Variants in SVEP1 observed in about 807,000 individuals in gnomAD.
SVEP1 encodes sushi, von Willebrand factor type A, EGF and pentraxin domain containing 1, also known as sushi, von Willebrand factor type A, EGF and pentraxin domain-containing protein 1.
SVEP1 carries 164 observed loss-of-function variants against 367.3 expected under a neutral mutation model. The ratio of observed to expected loss-of-function variants is 0.45; its 90% CI spans 0.39 to 0.51. The LOEUF is 0.51. Among genes scored for constraint, SVEP1 ranks in the 20% least tolerant of loss-of-function variants. SVEP1 has a pLI of 0.00. For missense variants in SVEP1, 4,117 were observed against 4,425.3 expected (o/e 0.93, Z 1.98); for synonymous variants, 1,666 against 1,611.6 (o/e 1.03, Z -0.81).
Position 110,408,640 on chromosome 9 carries a change from A to C in SVEP1, c.6960T>G (p.Pro2320=), listed in dbSNP as rs200717973. The change falls in exon 38 of 48, where the codon CCT becomes CCG. Residue 2320 remains proline (P), a synonymous_variant. Transcript: ENST00000374469. ...WNKKSNPKCM[P]AKCPEPPLLE... is the part of the protein sequence containing the mutation. ...AGAGGGGCGGCTCTGGGCACTTGGC[A>C]GGCATGCACTTTGGATTTGACTTCT... 4.9e-3 allele frequency: 7,961 copies of C among 1,614,046 alleles called. 26 individuals carry two copies. Among genetic ancestry groups the C allele is most frequent in the Non-Finnish European group, 5.6e-3 (6,626 of 1,179,908 alleles).
intron 42 of SVEP1, among the ~76,000 whole-genome samples, chr9:110,386,374 T>G (rs1827522728): frequency 6.6e-6 from 1 of 152,230 alleles, no homozygotes; most frequent in Admixed American, 6.5e-5. Flanking sequence ...TATTTTAGAC[T>G]GAGTTTTTGA....
chr9:110,539,029 C>G (rs1164160613), intron 3 of SVEP1, among the ~76,000 whole-genome samples: 1 of 152,054 alleles, frequency 6.6e-6, no homozygotes, highest in South Asian at 2.1e-4. Flanking sequence ...GTGCTCAAGG[C>G]AAACATGAAA....
rs200487398 is a variant in SVEP1 at position 110,430,356 on chromosome 9, C to T, written c.5448G>A (p.Gln1816=). ...TTACTCCCATCAACTGGTATCCTTCCTGACACGAAAATGTGACTTCGGCAC... is the reference window on the plus strand; with the variant it reads ...TTACTCCCATCAACTGGTATCCTTCTTGACACGAAAATGTGACTTCGGCAC... ...TVGAEVTFSC[Q]EGYQLMGVTK... is the part of the protein sequence containing the mutation. Residue 1816 remains glutamine (Q), a synonymous_variant, in exon 33 of 48, where the codon CAG becomes CAA. Coordinates refer to ENST00000374469, the MANE Select transcript of SVEP1 (RefSeq NM_153366.4). 96 of 1,613,448 alleles carry T rather than the reference C, an allele frequency of 5.9e-5. No individual in the cohort carries two copies. The highest frequency in any genetic ancestry group is 1.7e-5 in the Admixed American group (1 of 59,890).
In SVEP1 at chr9:110,472,377, G is replaced by C. The variant is rs17806801; in HGVS notation, c.2600-54C>G. The C allele has an allele frequency of 1.7e-3, 2,601 of 1,494,048 alleles. 6 individuals are homozygous for C. The highest frequency in any genetic ancestry group is 5.3e-3 in the South Asian group (378 of 71,922). The allele number at this position is 1,494,048 out of a possible 1,614,324, so 92.5% of individuals were successfully genotyped here. Reference sequence around the variant, plus strand: ...ATCACACAGTTGCTTTTTCGTCAGCGTTCAGGTTCTAATGTTAAGCCACAA... The same window carrying C: ...ATCACACAGTTGCTTTTTCGTCAGCCTTCAGGTTCTAATGTTAAGCCACAA... On this transcript the variant is annotated intron_variant, in intron 14 of 47. Coordinates refer to ENST00000374469, the MANE Select transcript of SVEP1 (RefSeq NM_153366.4).
At position 110,451,118 on chromosome 9, in the gene SVEP1, C is replaced by T. The variant is rs768567313; in HGVS notation, c.3901+171G>A. ...AATTGCAGACCTGCATGCCCTTTTA[C>T]CCCAAACCCCTCAGTGTGTATTTCC... is the stretch of plus-strand genomic sequence containing the variant. On this transcript the variant is annotated intron_variant, in intron 23 of 47. Transcript: ENST00000374469. 3.3e-5 allele frequency among the ~76,000 whole-genome samples: 5 copies of T among 152,122 alleles called. No homozygotes were observed. In the East Asian group the frequency reaches 7.7e-4, roughly 23 times the overall value.
At chr9:110,390,921 C>A (rs1006389076) in intron 40 of SVEP1, among the ~76,000 whole-genome samples, 3 of 152,132 alleles carry the variant, frequency 2.0e-5, no homozygotes, top group Non-Finnish European at 4.4e-5. Context: ...TCAGGGCCAA[C>A]CTTGTTTCAT....
intron 1 of SVEP1, among the ~76,000 whole-genome samples, chr9:110,564,612 C>A (rs1043243576): frequency 1.3e-5 from 2 of 152,038 alleles, no homozygotes; most frequent in Non-Finnish European, 2.9e-5. Flanking sequence ...TAATTTGTAA[C>A]ATTTATTAGC....
chr9:110,467,164 C>G (rs573816166), intron 17 of SVEP1, among the ~76,000 whole-genome samples: 2 of 152,298 alleles, frequency 1.3e-5, no homozygotes, highest in African/African-American at 4.8e-5. Context: ...GCATGTCTTG[C>G]TGGTAGCCTT....
rs754856358 is a variant in SVEP1 at position 110,406,918 on chromosome 9, C to A, written c.8682G>T (p.Pro2894=). The stretch of plus-strand genomic sequence containing the variant: ...CCGTCACCCCATTGGCCAGTTGTGG[C>A]GGGGTGGCACATCTGACAGGCACAC... ...PDCVPVRCAT[P]PQLANGVTEG... is the part of the protein sequence containing the mutation. The change falls in exon 38 of 48, where the codon CCG becomes CCT. Residue 2894 remains proline (P), a synonymous_variant. Transcript: ENST00000374469. 1 of 1,613,652 alleles carries A rather than the reference C, an allele frequency of 6.2e-7. No homozygotes were observed. Among genetic ancestry groups the A allele is most frequent in the African/African-American group, 1.3e-5 (1 of 74,896 alleles).
chr9:110,486,997 C>T (rs1829289729), intron 9 of SVEP1, among the ~76,000 whole-genome samples: 2 of 151,740 alleles, frequency 1.3e-5, no homozygotes, highest in East Asian at 1.9e-4. Context: ...GCTCTTGTTG[C>T]CCAGGCTGGA....
chr9:110,413,120 A>C (rs1220393078), intron 36 of SVEP1, among the ~76,000 whole-genome samples: 1 of 145,160 alleles, frequency 6.9e-6, no homozygotes, highest in Non-Finnish European at 1.5e-5. Flanking sequence ...TATTCACAAT[A>C]GCAAAGACTT....
At chr9:110,511,890 G>T (rs1829723130) in intron 5 of SVEP1, among the ~76,000 whole-genome samples, 1 of 152,106 alleles carries the variant, frequency 6.6e-6, no homozygotes, top group Non-Finnish European at 1.5e-5. Flanking sequence ...CAGCTGATTT[G>T]TGGGGTTTTG....
intron 5 of SVEP1, among the ~76,000 whole-genome samples, chr9:110,505,166 A>G (rs1284872328): frequency 6.6e-6 from 1 of 152,086 alleles, no homozygotes; most frequent in East Asian, 1.9e-4. Context: ...TACATCAGAG[A>G]AGCTACCAGA....
chr9:110,570,211 G>C lies in SVEP1; in HGVS notation c.531+8802C>G, dbSNP rs540839784. Among the ~76,000 whole-genome samples, 4 of 152,266 alleles carry C rather than the reference G, an allele frequency of 2.6e-5. No homozygotes were observed. The South Asian group carries it at 8.3e-4, about 32-fold the overall frequency. On this transcript the variant is annotated intron_variant, in intron 1 of 47. Coordinates refer to ENST00000374469, the MANE Select transcript of SVEP1 (RefSeq NM_153366.4). ...GTCTTTAAAATCTATGGGAAATGCA[G>C]AGACAATACATAACAGGAAATTCCT...
chr9:110,440,380 T>C (rs1828494947), intron 27 of SVEP1, among the ~76,000 whole-genome samples: 1 of 152,232 alleles, frequency 6.6e-6, no homozygotes, highest in Admixed American at 6.5e-5. Context: ...CCTTTCCCTG[T>C]TCTTCTGACT....
At chr9:110,434,684 A>AAAAAAAAAAAAAAAAAAAC in intron 29 of SVEP1, among the ~76,000 whole-genome samples, 178 bp from the exon 30 acceptor site, 1 of 150,860 alleles carries the variant, frequency 6.6e-6, no homozygotes, top group Non-Finnish European at 1.5e-5. Flanking sequence ...AAAAAAAAAA[A>AAAAAAAAAAAAAAAAAAAC]AAGCATTTAA....
chr9:110,520,750 A>G (rs1269951132), intron 3 of SVEP1, among the ~76,000 whole-genome samples: 1 of 152,200 alleles, frequency 6.6e-6, no homozygotes, highest in Non-Finnish European at 1.5e-5. Context: ...TTCTCCTCAT[A>G]CATGTCTTAG....
chr9:110,390,329 ATATACACATACT>A lies in SVEP1; in HGVS notation c.9823-754_9823-743del, dbSNP rs377569443. 1.9e-4 allele frequency among the ~76,000 whole-genome samples: 14 copies of A among 73,444 alleles called. 1 individual carries two copies. The highest frequency in any genetic ancestry group is 7.7e-4 in the African/African-American group (14 of 18,082). The allele number at this position is 73,444 out of a possible 152,430, so 48.2% of individuals were successfully genotyped here. On this transcript the variant is annotated intron_variant, in intron 40 of 47. Coordinates refer to ENST00000374469, the MANE Select transcript of SVEP1 (RefSeq NM_153366.4). ...TATAAGTATGTGTATATATACTTAT[ATATACACATACT>A]TATATACACTTATATATATATACTT...
chr9:110,529,944 A>G (rs999143865), intron 3 of SVEP1, among the ~76,000 whole-genome samples: 1 of 152,080 alleles, frequency 6.6e-6, no homozygotes, highest in African/African-American at 2.4e-5. Flanking sequence ...TCCAGTTCTT[A>G]AGGGGAAGGT....
Sources: allele counts gnomAD v4.1 joint callset (sites outside exome capture counted in the v4.1 genomes callset), GRCh38; gene constraint gnomAD v4.1.1; transcripts MANE v1.5; gene names NCBI Gene and HGNC (gene_info 2026-07-23, HGNC 2026-07-21).